CDH12: variants seen among roughly 807,000 people sequenced by gnomAD.
CDH12 encodes the protein cadherin-12.
Under a neutral mutation model 74.1 loss-of-function variants are expected in CDH12, and 41 were observed. The ratio of observed to expected loss-of-function variants is 0.55; its 90% CI spans 0.43 to 0.72. The LOEUF (loss-of-function observed/expected upper bound fraction) is 0.72. Ranked by LOEUF, CDH12 falls within the 30% of genes least tolerant of loss-of-function variation. The pLI, the probability that CDH12 is intolerant of heterozygous loss-of-function variation, is 0.00. For synonymous variants in CDH12, 399 were observed against 355.0 expected (o/e 1.12, Z -1.39); for missense variants, 945 against 977.2 (o/e 0.97, Z 0.44).
chr5:22,407,267 G>C (rs965877781), intron 2 of CDH12, among the ~76,000 whole-genome samples: 1 of 151,952 alleles, frequency 6.6e-6, no homozygotes, highest in Admixed American at 6.6e-5. Context: ...TTAATGAGAG[G>C]CACTACTATA....
intron 3 of CDH12, among the ~76,000 whole-genome samples, chr5:22,249,319 G>A (rs986350962): frequency 3.3e-5 from 5 of 152,148 alleles, no homozygotes; most frequent in African/African-American, 1.2e-4. Context: ...GAACTCATAG[G>A]AAAGAGAGGA....
At chr5:22,099,803 A>G (rs1744032414) in intron 4 of CDH12, among the ~76,000 whole-genome samples, 1 of 152,208 alleles carries the variant, frequency 6.6e-6, no homozygotes, top group Admixed American at 6.5e-5. Context: ...TAGATGTCCT[A>G]GGTCCTCCCA....
At chr5:22,660,105 T>G in intron 1 of CDH12, among the ~76,000 whole-genome samples, 1 of 152,210 alleles carries the variant, frequency 6.6e-6, no homozygotes, top group East Asian at 1.9e-4. Flanking sequence ...TTAAATACAT[T>G]TTTGAAAGCA....
At chr5:22,520,335 T>C (rs1258886720) in intron 1 of CDH12, among the ~76,000 whole-genome samples, 1 of 152,202 alleles carries the variant, frequency 6.6e-6, no homozygotes, top group Non-Finnish European at 1.5e-5. Context: ...TTGCATAATA[T>C]AATTCCACAG....
intron 1 of CDH12, among the ~76,000 whole-genome samples, chr5:22,797,325 C>A (rs1286750133): frequency 6.6e-6 from 1 of 152,084 alleles, no homozygotes; most frequent in Non-Finnish European, 1.5e-5. Context: ...TTGGACTGCT[C>A]AGCCTCCAGA....
intron 6 of CDH12, among the ~76,000 whole-genome samples, chr5:21,941,921 A>C (rs1432152866): frequency 1.3e-5 from 2 of 152,096 alleles, no homozygotes; most frequent in Admixed American, 1.3e-4. Flanking sequence ...ATGGCTTACT[A>C]AAATGTCGAC....
intron 1 of CDH12, among the ~76,000 whole-genome samples, chr5:22,749,376 AT>A (rs1561003013): frequency 6.6e-6 from 1 of 152,208 alleles, no homozygotes; most frequent in East Asian, 1.9e-4. Flanking sequence ...GTGGGGCAAC[AT>A]TTTATGTTTT....
At chr5:22,333,630 C>T (rs1413644319) in intron 3 of CDH12, among the ~76,000 whole-genome samples, 2 of 152,054 alleles carry the variant, frequency 1.3e-5, no homozygotes, top group African/African-American at 4.8e-5. Context: ...CAAATGCATT[C>T]TAGAAGGTCA....
intron 1 of CDH12, among the ~76,000 whole-genome samples, chr5:22,672,701 T>C (rs13157365): frequency 0.67 from 102,249 of 151,950 alleles, 34,635 homozygotes; most frequent in Admixed American, 0.73. Flanking sequence ...TTAAATAAGA[T>C]AGGTGGATAA....
chr5:22,083,977 A>G (rs529634042), intron 4 of CDH12, among the ~76,000 whole-genome samples: 1 of 152,300 alleles, frequency 6.6e-6, no homozygotes, highest in Non-Finnish European at 1.5e-5. Flanking sequence ...TATCAGGTCA[A>G]TATAGTTCCT....
At chr5:22,247,624 G>A (rs1460714408) in intron 3 of CDH12, among the ~76,000 whole-genome samples, 3 of 151,684 alleles carry the variant, frequency 2.0e-5, no homozygotes, top group African/African-American at 7.3e-5. Context: ...GCAGTGAGCT[G>A]AGATCACATC....
chr5:22,663,465 T>C (rs541068867), intron 1 of CDH12, among the ~76,000 whole-genome samples: 3 of 152,312 alleles, frequency 2.0e-5, no homozygotes, highest in African/African-American at 7.2e-5. Context: ...ACTTTCATAT[T>C]GCTGAATATT....
At chr5:21,830,857 T>C (rs1032188215) in intron 8 of CDH12, among the ~76,000 whole-genome samples, 3 of 151,528 alleles carry the variant, frequency 2.0e-5, no homozygotes, top group African/African-American at 7.3e-5. Flanking sequence ...CCAAGATGGT[T>C]AAACCCTGTC....
At chr5:22,291,080 A>G (rs1424039310) in intron 3 of CDH12, among the ~76,000 whole-genome samples, 1 of 152,164 alleles carries the variant, frequency 6.6e-6, no homozygotes, top group Non-Finnish European at 1.5e-5. Context: ...AAATCAATAG[A>G]TGTGATACAT....
At chr5:22,647,502 T>G (rs769364107) in intron 1 of CDH12, among the ~76,000 whole-genome samples, 4 of 151,768 alleles carry the variant, frequency 2.6e-5, no homozygotes, top group Non-Finnish European at 5.9e-5. Flanking sequence ...GTTCTGTTTC[T>G]GCTGAGGGCT....
intron 8 of CDH12, among the ~76,000 whole-genome samples, chr5:21,822,980 T>C (rs1748455805): frequency 6.6e-6 from 1 of 152,112 alleles, no homozygotes. Context: ...CTTTCAAAAA[T>C]TATCTTTGCA....
rs557385174 is a variant in CDH12 at position 21,936,176 on chromosome 5, C to T, written c.526+38915G>A. Among the ~76,000 whole-genome samples, 409 of 152,192 alleles carry T rather than the reference C, an allele frequency of 2.7e-3. 1 individual carries two copies. The highest frequency in any genetic ancestry group is 4.5e-3 in the Non-Finnish European group (309 of 68,014). ...TTTTGAGAAACCTCCAGACTGTTCT[C>T]CTTAAGGGTCATACTAATGTACATT... is the stretch of plus-strand genomic sequence containing the variant. On this transcript the variant is annotated intron_variant, in intron 6 of 14. Coordinates refer to ENST00000382254, the MANE Select transcript of CDH12 (RefSeq NM_004061.5).
intron 3 of CDH12, among the ~76,000 whole-genome samples, chr5:22,283,358 G>A (rs1736999973): frequency 1.3e-5 from 2 of 148,344 alleles, no homozygotes; most frequent in Non-Finnish European, 3.0e-5. Flanking sequence ...ACATTTATAT[G>A]TATCACATTT....
intron 3 of CDH12, among the ~76,000 whole-genome samples, chr5:22,251,043 T>A (rs947282230): frequency 6.6e-6 from 1 of 152,166 alleles, no homozygotes; most frequent in African/African-American, 2.4e-5. Flanking sequence ...TTGAAATAAT[T>A]TCCAAGGCTG....
Sources: allele counts gnomAD v4.1 joint callset (sites outside exome capture counted in the v4.1 genomes callset), GRCh38; gene constraint gnomAD v4.1.1; transcripts MANE v1.5; gene names NCBI Gene and HGNC (gene_info 2026-07-23, HGNC 2026-07-21).